The following ROBO2 variants were observed in gnomAD, a reference collection of about 807,000 sequenced individuals.
ROBO2 encodes the protein roundabout guidance receptor 2.
In ROBO2, 53 loss-of-function variants were observed where a neutral mutation model predicts 160.8. The ratio of observed to expected loss-of-function variants is 0.33; its 90% confidence interval spans 0.26 to 0.41. The LOEUF (loss-of-function observed/expected upper bound fraction) is 0.41. Ranked by LOEUF, ROBO2 falls within the 10% of genes least tolerant of loss-of-function variation. The pLI is 1.00. For synonymous variants in ROBO2, 664 were observed against 611.7 expected (o/e 1.09, Z -1.26); for missense variants, 1,577 against 1,722.4 (o/e 0.92, Z 1.49).
intron 16 of ROBO2, among the ~76,000 whole-genome samples, chr3:77,584,580 C>T (rs2093995221): frequency 6.6e-6 from 1 of 152,004 alleles, no homozygotes; most frequent in African/African-American, 2.4e-5. Context: ...AACATTCAGT[C>T]ATAGCGTTAA....
chr3:76,282,955 TTGAGA>T (rs1167511020), intron 2 of ROBO2, among the ~76,000 whole-genome samples: 1 of 150,752 alleles, frequency 6.6e-6, no homozygotes, highest in African/African-American at 2.4e-5. Context: ...GGATTACAGA[TTGAGA>T]TATTTTTTCT....
In ROBO2 at chr3:77,060,862, G is replaced by T. The variant is rs570610781; in HGVS notation, c.61+20016G>T. 6.8e-4 allele frequency among the ~76,000 whole-genome samples: 104 copies of T among 152,166 alleles called. 1 individual carries two copies. Among genetic ancestry groups the T allele is most frequent in the Non-Finnish European group, 1.3e-4 (9 of 68,018 alleles). ...TGTTTACTACATATTTTACTCTTTG[G>T]TTGGAGTTATTGACTTAAACATCTA... On this transcript the variant is annotated intron_variant, in intron 1 of 25. Transcript: ENST00000461745.
At chr3:76,354,065 A>G (rs190913309) in intron 2 of ROBO2, among the ~76,000 whole-genome samples, 1 of 152,012 alleles carries the variant, frequency 6.6e-6, no homozygotes, top group African/African-American at 2.4e-5. Context: ...CTCAACATAG[A>G]CGAAGCATTT....
At chr3:76,905,268 A>C (rs1449070499) in intron 2 of ROBO2, among the ~76,000 whole-genome samples, 1 of 152,078 alleles carries the variant, frequency 6.6e-6, no homozygotes, top group Non-Finnish European at 1.5e-5. Context: ...TTTGTCAGAA[A>C]GGGGAGGCGT....
rs71104618 is a variant in ROBO2, at chr3:76,762,445, G to GTT, written c.110-335554_110-335553dup. Reference sequence around the variant, plus strand: ...TCTTCTCCACAATGAGAATCCAGCTGTTTTTTTTTTTTTTTTAACATGAGT... The same window carrying GTT: ...TCTTCTCCACAATGAGAATCCAGCTGTTTTTTTTTTTTTTTTTTAACATGAGT... On this transcript the variant is annotated intron_variant, in intron 2 of 26. Transcript: ENST00000487694. 4.5e-3 allele frequency among the ~76,000 whole-genome samples: 627 copies of GTT among 140,186 alleles called. 3 individuals carry two copies. Among genetic ancestry groups the GTT allele is most frequent in the South Asian group, 0.011 (50 of 4,446 alleles). The allele number at this position is 140,186 out of a possible 152,430, so 92.0% of individuals were successfully genotyped here. A position where few individuals can be genotyped will look rare whatever the true frequency, so the allele number is the denominator to read the frequency against.
intron 2 of ROBO2, among the ~76,000 whole-genome samples, chr3:77,395,157 C>G (rs917752060): frequency 2.0e-5 from 3 of 152,168 alleles, no homozygotes; most frequent in African/African-American, 4.8e-5. Context: ...TTGCCACAGT[C>G]TAATTTCCTA....
chr3:76,778,321 C>T (rs2062411856), intron 2 of ROBO2, among the ~76,000 whole-genome samples: 1 of 151,090 alleles, frequency 6.6e-6, no homozygotes, highest in South Asian at 2.1e-4. Flanking sequence ...GAATTTTACT[C>T]CTTGGAGCCA....
At chr3:76,922,859 A>G (rs1177583555) in intron 2 of ROBO2, among the ~76,000 whole-genome samples, 1 of 152,170 alleles carries the variant, frequency 6.6e-6, no homozygotes, top group African/African-American at 2.4e-5. Context: ...ATTGTTCAAT[A>G]CTGTGTATAG....
chr3:76,904,257 G>T (rs1048579258), intron 2 of ROBO2, among the ~76,000 whole-genome samples: 1 of 152,092 alleles, frequency 6.6e-6, no homozygotes, highest in African/African-American at 2.4e-5. Flanking sequence ...CTAGGGTAAA[G>T]ACATGATTTA....
At chr3:76,090,937 C>T (rs531420874) in intron 2 of ROBO2, among the ~76,000 whole-genome samples, 13 of 152,288 alleles carry the variant, frequency 8.5e-5, no homozygotes, top group African/African-American at 2.9e-4. Context: ...CCTTACAACT[C>T]TTCCACAGAT....
chr3:77,477,204 A>G (rs991000667), intron 2 of ROBO2, among the ~76,000 whole-genome samples: 3 of 152,166 alleles, frequency 2.0e-5, no homozygotes, highest in Non-Finnish European at 4.4e-5. Context: ...TTTTGACCAA[A>G]GGTGCATGAT....
rs73104467 is a variant in ROBO2 at position 76,958,362 on chromosome 3, A to T, written c.110-139652A>T. Among the ~76,000 whole-genome samples, 876 of 152,330 alleles carry T rather than the reference A, an allele frequency of 5.8e-3. 4 individuals are homozygous for T. The highest frequency in any genetic ancestry group is 8.3e-3 in the Non-Finnish European group (563 of 68,026). On this transcript the variant is annotated intron_variant, in intron 2 of 26. Coordinates refer to the ROBO2 transcript ENST00000487694. ...AAAAACAGAACAGCCCCTGTTCAGA[A>T]CACAGTTTGTGATTTTTATCTGTCT...
At chr3:76,047,386 C>T (rs1022240971) in intron 2 of ROBO2, among the ~76,000 whole-genome samples, 1 of 152,204 alleles carries the variant, frequency 6.6e-6, no homozygotes, top group Admixed American at 6.5e-5. Flanking sequence ...AATATTCATT[C>T]TCCATTTCTC....
At chr3:76,302,723 A>AC (rs1709425930) in intron 2 of ROBO2, among the ~76,000 whole-genome samples, 1 of 152,094 alleles carries the variant, frequency 6.6e-6, no homozygotes. Flanking sequence ...GTGTCATATA[A>AC]CCTAGGTGCG....
At chr3:77,110,001 C>A (rs993292795) in intron 2 of ROBO2, among the ~76,000 whole-genome samples, 2 of 152,090 alleles carry the variant, frequency 1.3e-5, no homozygotes, top group East Asian at 3.9e-4. Context: ...TGGGATATGA[C>A]GGAAAGAAAC....
intron 2 of ROBO2, among the ~76,000 whole-genome samples, chr3:77,477,044 C>T (rs924248030): frequency 4.0e-5 from 6 of 151,228 alleles, no homozygotes; most frequent in Middle Eastern, 3.4e-3. Flanking sequence ...TATATATATG[C>T]GTGCACACAC....
At chr3:77,250,567 C>A (rs188226538) in intron 2 of ROBO2, among the ~76,000 whole-genome samples, 1 of 152,106 alleles carries the variant, frequency 6.6e-6, no homozygotes, top group African/African-American at 2.4e-5. Flanking sequence ...TTTTTTTCCC[C>A]GGAATCACAC....
intron 2 of ROBO2, chr3:76,434,263 C>T: frequency 1.0e-6 from 1 of 999,874 alleles, no homozygotes; most frequent in South Asian, 1.3e-5. Context: ...CTGTTGGTTA[C>T]AGATTCTCAG....
chr3:76,573,587 C>A (rs1012989195), intron 2 of ROBO2, among the ~76,000 whole-genome samples: 1 of 146,330 alleles, frequency 6.8e-6, no homozygotes, highest in Non-Finnish European at 1.5e-5. Flanking sequence ...TAACATGATT[C>A]CAGAGATTTA....
Sources: gnomAD v4.1 joint callset for allele counts (sites outside exome capture counted in the v4.1 genomes callset) on GRCh38, gnomAD v4.1.1 for gene constraint, MANE v1.5 for transcripts, NCBI Gene and HGNC (gene_info 2026-07-23, HGNC 2026-07-21) for gene names.